The following ABCD3 variants were observed in gnomAD, a reference collection of about 807,000 sequenced individuals.
ABCD3 encodes the protein ATP binding cassette subfamily D member 3.
In ABCD3, 41 loss-of-function variants were observed where a neutral mutation model predicts 105.5. That is an observed-to-expected ratio of 0.39 (90% confidence interval 0.30 to 0.50). The LOEUF (loss-of-function observed/expected upper bound fraction) is 0.50. Among genes scored for constraint, ABCD3 ranks in the 20% least tolerant of loss-of-function variants. ABCD3 has a pLI of 0.84. For synonymous variants in ABCD3, 258 were observed against 269.0 expected (o/e 0.96, Z 0.40); for missense variants, 622 against 806.3 (o/e 0.77, Z 2.77).
chr1:94,466,944 A>G (rs1316232110), intron 3 of ABCD3, among the ~76,000 whole-genome samples: 3 of 152,276 alleles, frequency 2.0e-5, no homozygotes, highest in Middle Eastern at 3.4e-3. Context: ...CCAATTTAGA[A>G]AATTTAAGAT....
chr1:94,477,266 AG>A (rs1311393834), intron 7 of ABCD3, among the ~76,000 whole-genome samples: 1 of 146,380 alleles, frequency 6.8e-6, no homozygotes, highest in African/African-American at 2.5e-5. Flanking sequence ...GGAAAGGGAA[AG>A]GTAGATGTTG....
intron 20 of ABCD3, among the ~76,000 whole-genome samples, chr1:94,506,138 T>G (rs1385605165): frequency 6.6e-6 from 1 of 152,214 alleles, no homozygotes; most frequent in African/African-American, 2.4e-5. Flanking sequence ...GTACCATTAC[T>G]TAAGCAACAA....
At chr1:94,479,729 G>C (rs964647801) in intron 8 of ABCD3, among the ~76,000 whole-genome samples, 4 of 152,082 alleles carry the variant, frequency 2.6e-5, no homozygotes, top group African/African-American at 9.7e-5. Context: ...AATGGAAACT[G>C]TTCAGGAAAC....
At chr1:94,453,704 C>CT (rs548416321) in intron 1 of ABCD3, among the ~76,000 whole-genome samples, 4,600 of 142,490 alleles carry the variant, frequency 0.032, 90 homozygotes, top group Non-Finnish European at 0.051. Flanking sequence ...AGTCTTTTAC[C>CT]TTTTTTTTTT....
intron 1 of ABCD3, among the ~76,000 whole-genome samples, chr1:94,444,223 T>C (rs1205249325): frequency 6.6e-6 from 1 of 151,588 alleles, no homozygotes; most frequent in East Asian, 1.9e-4. Flanking sequence ...TCCAAGCTAC[T>C]TAGGAGGCTG....
intron 5 of ABCD3, 32 bp downstream of exon 5, chr1:94,473,867 A>C (rs763317612): frequency 6.4e-7 from 1 of 1,555,880 alleles, no homozygotes; most frequent in East Asian, 2.3e-5. Flanking sequence ...TCTTTTTAAC[A>C]CGGGAAATTT....
the ABCD3 span, among the ~76,000 whole-genome samples, chr1:94,386,558 T>C: frequency 6.6e-6 from 1 of 152,240 alleles, no homozygotes. Context: ...TACAGGTAGA[T>C]ACATAACAAT....
chr1:94,478,681 T>G (rs1360524193), intron 8 of ABCD3: 1 of 923,618 alleles, frequency 1.1e-6, no homozygotes, highest in East Asian at 2.9e-5. Flanking sequence ...GAGACCCGCT[T>G]CTTTAAAAAA....
intron 1 of ABCD3, among the ~76,000 whole-genome samples, chr1:94,448,942 T>A (rs1202251664): frequency 6.6e-6 from 1 of 152,110 alleles, no homozygotes; most frequent in African/African-American, 2.4e-5. Context: ...TTATTAACTT[T>A]AAATTTTTTT....
intron 1 of ABCD3, among the ~76,000 whole-genome samples, chr1:94,439,172 TG>T (rs1660041248): frequency 6.6e-6 from 1 of 152,226 alleles, no homozygotes; most frequent in African/African-American, 2.4e-5. Flanking sequence ...CTTGAAAATT[TG>T]TCTGGATGTA....
At chr1:94,495,320 T>C (rs1177739129) in intron 16 of ABCD3, among the ~76,000 whole-genome samples, 1 of 152,138 alleles carries the variant, frequency 6.6e-6, no homozygotes, top group African/African-American at 2.4e-5. Flanking sequence ...GTTCAAAGCA[T>C]TGGTTGATCC....
chr1:94,435,620 A>G (rs1238099658), intron 1 of ABCD3, among the ~76,000 whole-genome samples: 1 of 152,216 alleles, frequency 6.6e-6, no homozygotes, highest in Non-Finnish European at 1.5e-5. Context: ...TGAATTTATT[A>G]AAGCTTGCAA....
At chr1:94,426,358 C>T (rs142730614) in intron 1 of ABCD3, among the ~76,000 whole-genome samples, 1 of 152,308 alleles carries the variant, frequency 6.6e-6, no homozygotes, top group Non-Finnish European at 1.5e-5. Context: ...AGTGTCTTCT[C>T]ACTGGCACAC....
At chr1:94,459,540 T>A (rs1194528590) in intron 2 of ABCD3, among the ~76,000 whole-genome samples, 1 of 152,228 alleles carries the variant, frequency 6.6e-6, no homozygotes, top group Non-Finnish European at 1.5e-5. Flanking sequence ...TTAAGTGGAA[T>A]TTATGGTAAA....
At chr1:94,405,673 T>G in the ABCD3 span, among the ~76,000 whole-genome samples, 1 of 152,232 alleles carries the variant, frequency 6.6e-6, no homozygotes, top group Admixed American at 6.5e-5. Flanking sequence ...TTGCATTTCT[T>G]TATTAGGAGC....
the ABCD3 span, among the ~76,000 whole-genome samples, chr1:94,399,099 G>A: frequency 1.3e-5 from 2 of 152,092 alleles, no homozygotes; most frequent in Non-Finnish European, 2.9e-5. Flanking sequence ...AATGCACAAA[G>A]TCATGTACTC....
intron 1 of ABCD3, among the ~76,000 whole-genome samples, chr1:94,430,142 G>A (rs898014840): frequency 2.6e-5 from 4 of 152,240 alleles, no homozygotes; most frequent in Non-Finnish European, 5.9e-5. Flanking sequence ...GGGGCCTGCA[G>A]CCCCTTTGTT....
At chr1:94,511,751 A>G (rs1199887806) in intron 21 of ABCD3, among the ~76,000 whole-genome samples, 3 of 151,880 alleles carry the variant, frequency 2.0e-5, no homozygotes, top group Non-Finnish European at 4.4e-5. Flanking sequence ...TTCATCTTCC[A>G]TCACTGATAC....
At position 94,464,772 on chromosome 1, in the gene ABCD3, CAGAAA is replaced by C; in HGVS notation, c.148-2_150del. The C allele has an allele frequency of 6.2e-7, 1 of 1,610,106 alleles. No homozygotes were observed. On this transcript the variant is annotated splice_acceptor_variant and coding_sequence_variant, in exon 3 of 23. Coordinates refer to ENST00000370214, the MANE Select transcript of ABCD3 (RefSeq NM_002858.4). LOFTEE classifies it high-confidence loss of function. The stretch of plus-strand genomic sequence containing the variant: ...TTAAAAGGGCTTCTTTTTTTTAATG[CAGAAA>C]GAGGGGAAAAAGGAGCGAGCTGTGG...
Sources: gnomAD v4.1 joint callset for allele counts (sites outside exome capture counted in the v4.1 genomes callset) on GRCh38, gnomAD v4.1.1 for gene constraint, MANE v1.5 for transcripts, NCBI Gene and HGNC (gene_info 2026-07-23, HGNC 2026-07-21) for gene names.